PDE6C: variants seen among roughly 807,000 people sequenced by gnomAD.
The protein encoded by PDE6C is phosphodiesterase 6C.
In PDE6C, 75 loss-of-function variants were observed where a neutral mutation model predicts 113.1. The ratio of observed to expected loss-of-function variants is 0.66; its 90% CI spans 0.55 to 0.80. PDE6C has a LOEUF of 0.80. PDE6C is among the 30% of genes least tolerant of loss of function. The pLI, the probability that PDE6C is intolerant of heterozygous loss-of-function variation, is 0.00. For synonymous variants in PDE6C, 375 were observed against 363.7 expected (o/e 1.03, Z -0.35); for missense variants, 912 against 1,038.6 (o/e 0.88, Z 1.67).
At chr10:93,660,160 A>G (rs2058659796) in intron 18 of PDE6C, among the ~76,000 whole-genome samples, 1 of 152,184 alleles carries the variant, frequency 6.6e-6, no homozygotes, top group South Asian at 2.1e-4. Context: ...GGGAGAAAAA[A>G]TATCTATTTC....
intron 1 of PDE6C, among the ~76,000 whole-genome samples, chr10:93,617,208 A>G (rs1393322683): frequency 6.6e-6 from 1 of 152,186 alleles, no homozygotes; most frequent in Admixed American, 6.5e-5. Flanking sequence ...AGAACCATCA[A>G]GGGACACACG....
intron 14 of PDE6C, among the ~76,000 whole-genome samples, chr10:93,645,435 T>A (rs2058579769): frequency 6.6e-6 from 1 of 152,174 alleles, no homozygotes. Context: ...ACCTTTGACA[T>A]CAGCCTCTTT....
Position 93,635,534 on chromosome 10 carries a change from C to T in PDE6C, c.1307C>T (p.Thr436Ile). 2 of 1,611,462 alleles carry T rather than the reference C, an allele frequency of 1.2e-6. No individual in the cohort carries two copies. The highest frequency in any genetic ancestry group is 1.3e-5 in the African/African-American group (1 of 75,000). Residue 436 changes from threonine (T) to isoleucine (I), a missense_variant, in exon 10 of 22, where the codon ACT becomes ATT. Physicochemically the swap from Thr to Ile is moderately conservative, Grantham distance 89. Transcript: ENST00000371447. ...TTTCTTGGATGGTCTCTTTTAAATA[C>T]TGACACCTACGATAAGATGAATAAG... ...TQFLGWSLLN[T>I]DTYDKMNKLE...
chr10:93,662,043 C>T lies in PDE6C; in HGVS notation c.2209-16C>T, dbSNP rs2058668175. 2 of 1,544,064 alleles carry T rather than the reference C, an allele frequency of 1.3e-6. No homozygotes were observed. Among genetic ancestry groups the T allele is most frequent in the South Asian group, 1.1e-5 (1 of 89,698 alleles). On this transcript the variant is annotated splice_polypyrimidine_tract_variant and intron_variant, in intron 18 of 21. Transcript: ENST00000371447. ...TCATAAGTGGATTTAGTGAACCAAG[C>T]CTTTCTCATTTGCAGGTAGCACTTA...
chr10:93,657,410 T>C (rs1297424151), intron 16 of PDE6C, among the ~76,000 whole-genome samples: 1 of 146,126 alleles, frequency 6.8e-6, no homozygotes, highest in Non-Finnish European at 1.5e-5. Flanking sequence ...TCTCTCTATC[T>C]CCTGACCTCG....
At position 93,657,405 on chromosome 10, in the gene PDE6C, C is replaced by T. The variant is rs912443403; in HGVS notation, c.2037-1496C>T. 7.0e-5 allele frequency among the ~76,000 whole-genome samples: 9 copies of T among 128,382 alleles called. No homozygotes were observed. In the South Asian group the frequency reaches 2.0e-3, roughly 28 times the overall value. The allele number at this position is 128,382 out of a possible 152,430, so 84.2% of individuals were successfully genotyped here. A position where few individuals can be genotyped will look rare whatever the true frequency, so the allele number is the denominator to read the frequency against. On this transcript the variant is annotated intron_variant, in intron 16 of 21. Coordinates refer to ENST00000371447, the MANE Select transcript of PDE6C (RefSeq NM_006204.4). ...CACCATGTTGGCCAGGATGGTCTCT[C>T]TATCTCCTGACCTCGTGATCCACCC...
In PDE6C at chr10:93,613,220, G is replaced by A. The variant is rs763168153; in HGVS notation, c.480+15G>A. 6.2e-7 allele frequency: 1 copy of A among 1,613,386 alleles called. No individual in the cohort carries two copies. The highest frequency in any genetic ancestry group is 2.2e-5 in the East Asian group (1 of 44,884). On this transcript the variant is annotated intron_variant, in intron 1 of 21. Coordinates refer to ENST00000371447, the MANE Select transcript of PDE6C (RefSeq NM_006204.4). Reference sequence around the variant, plus strand: ...ATGTGAAAAAGGTAGGTGGCCTTATGACAGTGGGGCAGAGGTCTTGGCAGG... The same window carrying A: ...ATGTGAAAAAGGTAGGTGGCCTTATAACAGTGGGGCAGAGGTCTTGGCAGG...
Position 93,665,116 on chromosome 10 carries a change from G to A in PDE6C, c.2519-244G>A, listed in dbSNP as rs1225010226. ...ACTCCTAATCTCAAGGGATCCACCC[G>A]CCTCAGCCTCCCAAAGTGCTGGGAT... On this transcript the variant is annotated intron_variant, in intron 21 of 21. Transcript: ENST00000371447. Among the ~76,000 whole-genome samples, 5 of 152,154 alleles carry A rather than the reference G, an allele frequency of 3.3e-5. No homozygotes were observed. In the South Asian group the frequency reaches 8.3e-4, roughly 25 times the overall value.
At chr10:93,662,233 G>C (rs2058668895) in intron 19 of PDE6C, 100 bp downstream of exon 19, 1 of 791,176 alleles carries the variant, frequency 1.3e-6, no homozygotes, top group Admixed American at 1.7e-5. Flanking sequence ...GGGAGGCTGA[G>C]GTGGGCAGAT....
intron 19 of PDE6C, 100 bp from the exon 20 acceptor site, chr10:93,662,460 C>CAA (rs11364728): frequency 0.053 from 16,433 of 312,768 alleles, 358 homozygotes; most frequent in Middle Eastern, 0.066. Context: ...GACTCTGCCT[C>CAA]AAAAAAAAAA....
intron 18 of PDE6C, among the ~76,000 whole-genome samples, chr10:93,661,678 A>G (rs999946492): frequency 1.3e-5 from 2 of 152,226 alleles, no homozygotes; most frequent in African/African-American, 4.8e-5. Context: ...TAATGGGTGT[A>G]TGTCACATGT....
At chr10:93,632,564 T>C (rs866641900) in intron 8 of PDE6C, among the ~76,000 whole-genome samples, 39 of 152,310 alleles carry the variant, frequency 2.6e-4, no homozygotes, top group Non-Finnish European at 4.6e-4. Flanking sequence ...TGGTAGCAAA[T>C]GAATATTTCC....
rs9419778 is a variant in PDE6C at position 93,665,995 on chromosome 10, G to A, written c.*577G>A. ...ACCTCATTTTAGTCTTAATTACCTC[G>A]TTAATGGCCTTATCTCCAAATACAG... On this transcript the variant is annotated 3_prime_UTR_variant, in exon 22 of 22. Transcript: ENST00000371447. The A allele has an allele frequency of 0.026, 4,076 of 154,984 alleles. 178 individuals carry two copies. The highest frequency in any genetic ancestry group is 0.094 in the African/African-American group (3,888 of 41,250). 9.6% of individuals were successfully genotyped at this position (154,984 alleles called of 1,614,324 possible). A position where few individuals can be genotyped will look rare whatever the true frequency, so the allele number is the denominator to read the frequency against.
At chr10:93,627,415 A>C (rs1327108537) in intron 7 of PDE6C, among the ~76,000 whole-genome samples, 1 of 152,134 alleles carries the variant, frequency 6.6e-6, no homozygotes, top group Admixed American at 6.6e-5. Flanking sequence ...TCCATCCCTC[A>C]ATTTCTTATT....
Position 93,658,890 on chromosome 10 carries a change from A to C in PDE6C, c.2037-11A>C, listed in dbSNP as rs368517602. Reference sequence around the variant, plus strand: ...AGCTAAAATTGTTGCTCACAGCTGTATCTTTTCTAGGAAGAGGACCATGTT... The same window carrying C: ...AGCTAAAATTGTTGCTCACAGCTGTCTCTTTTCTAGGAAGAGGACCATGTT... On this transcript the variant is annotated splice_polypyrimidine_tract_variant and intron_variant, in intron 16 of 21. Transcript: ENST00000371447. 2.1e-5 allele frequency: 32 copies of C among 1,522,784 alleles called. No individual in the cohort carries two copies. Among genetic ancestry groups the C allele is most frequent in the East Asian group, 1.8e-4 (8 of 44,252 alleles). The allele number at this position is 1,522,784 out of a possible 1,614,324, so 94.3% of individuals were successfully genotyped here.
chr10:93,628,801 G>T (rs1223676298), intron 7 of PDE6C, among the ~76,000 whole-genome samples: 2 of 152,016 alleles, frequency 1.3e-5, no homozygotes, highest in Non-Finnish European at 2.9e-5. Flanking sequence ...TCCTTACTTT[G>T]GTGTAACTAA....
intron 1 of PDE6C, among the ~76,000 whole-genome samples, chr10:93,615,821 G>A (rs1386192959): frequency 6.6e-6 from 1 of 152,188 alleles, no homozygotes. Context: ...GAGATGGAAG[G>A]GGCTTATGAA....
intron 16 of PDE6C, among the ~76,000 whole-genome samples, chr10:93,658,663 T>C (rs1415030384): frequency 8.6e-6 from 1 of 116,292 alleles, no homozygotes; most frequent in African/African-American, 2.7e-5. Flanking sequence ...TTTTGTTTTG[T>C]TTTTCCCTCT....
intron 7 of PDE6C, 22 bp downstream of exon 7, chr10:93,626,893 A>T (rs1417530099): frequency 6.3e-7 from 1 of 1,574,848 alleles, no homozygotes; most frequent in South Asian, 1.1e-5. Context: ...AACAAATTCA[A>T]ATTTTAAATA....
Sources: gnomAD v4.1 joint callset for allele counts (sites outside exome capture counted in the v4.1 genomes callset) on GRCh38, gnomAD v4.1.1 for gene constraint, MANE v1.5 for transcripts, NCBI Gene and HGNC (gene_info 2026-07-23, HGNC 2026-07-21) for gene names.